RDH10: variants seen among roughly 807,000 people sequenced by gnomAD.
RDH10 encodes retinol dehydrogenase 10.
RDH10 carries 12 observed loss-of-function variants against 30.2 expected under a neutral mutation model. That is an observed-to-expected ratio of 0.40 (90% CI 0.25 to 0.64). RDH10 has a LOEUF of 0.64. Among genes scored for constraint, RDH10 ranks in the 30% least tolerant of loss-of-function variants. The probability of loss-of-function intolerance (pLI) is 0.43; values close to 1 mark genes in which losing one functional copy is unlikely to be tolerated. For missense variants in RDH10, 268 were observed against 445.2 expected (o/e 0.60, Z 3.58); for synonymous variants, 189 against 172.2 (o/e 1.10, Z -0.76).
intron 2 of RDH10, among the ~76,000 whole-genome samples, chr8:73,302,921 C>CA (rs1320892213): frequency 6.6e-6 from 1 of 152,052 alleles, no homozygotes; most frequent in Non-Finnish European, 1.5e-5. Flanking sequence ...CCTGATTAAC[C>CA]AAAAGGGGGA....
At chr8:73,297,141 T>G in intron 1 of RDH10, 53 bp from the exon 2 acceptor site, 1 of 1,041,066 alleles carries the variant, frequency 9.6e-7, no homozygotes, top group Non-Finnish European at 1.5e-6. Context: ...ACTCACTTTC[T>G]GCACTTCCTT....
At chr8:73,322,587 C>G (rs1344279350) in intron 4 of RDH10, 92 bp from the exon 5 acceptor site, 1 of 1,058,500 alleles carries the variant, frequency 9.4e-7, no homozygotes, top group East Asian at 2.5e-5. Context: ...TCCCATCACT[C>G]AGATAACATC....
intron 4 of RDH10, chr8:73,322,365 C>T (rs915789597): frequency 3.5e-6 from 1 of 289,294 alleles, no homozygotes. Flanking sequence ...AACACCTTCT[C>T]CTCTTTCTAT....
chr8:73,313,177 C>A (rs1586192962), intron 2 of RDH10: 1 of 152,228 alleles, frequency 6.6e-6, no homozygotes, highest in Non-Finnish European at 1.5e-5. Context: ...TTGGGCTGCA[C>A]AGTCTGTCAT....
intron 2 of RDH10, among the ~76,000 whole-genome samples, chr8:73,309,865 A>C (rs1365340419): frequency 6.6e-6 from 1 of 152,178 alleles, no homozygotes; most frequent in East Asian, 1.9e-4. Flanking sequence ...GAGAGAGGTC[A>C]GGGATGCTGC....
At chr8:73,305,886 G>A (rs1376332572) in intron 2 of RDH10, among the ~76,000 whole-genome samples, 1 of 152,130 alleles carries the variant, frequency 6.6e-6, no homozygotes, top group Non-Finnish European at 1.5e-5. Context: ...TCAATATTTT[G>A]AGCCTGTAAC....
intron 1 of RDH10, chr8:73,296,005 C>T (rs760200165): frequency 4.2e-5 from 8 of 190,822 alleles, no homozygotes; most frequent in Non-Finnish European, 8.0e-5. Flanking sequence ...GTCTGAACCC[C>T]TTAGACGAGG....
At chr8:73,296,989 A>G (rs1252253716) in intron 1 of RDH10, 10 of 544,162 alleles carry the variant, frequency 1.8e-5, no homozygotes, top group Non-Finnish European at 3.3e-5. Flanking sequence ...GTTATCCAGT[A>G]AATTGCTGTA....
chr8:73,311,134 A>G (rs980629567), intron 2 of RDH10: 34 of 152,196 alleles, frequency 2.2e-4, no homozygotes, highest in African/African-American at 8.2e-4. Context: ...AATTGGAAAA[A>G]TAATTGTTGA....
In RDH10 at chr8:73,323,374, G is replaced by A. The variant is rs960986711; in HGVS notation, c.*338G>A. ...TAACTAGACTGTATGTTTCATGTGT[G>A]TGATTTTTCAGAATTCCCAGAGTTT... is the stretch of plus-strand genomic sequence containing the variant. On this transcript the variant is annotated 3_prime_UTR_variant, in exon 6 of 6. Coordinates refer to ENST00000240285, the MANE Select transcript of RDH10 (RefSeq NM_172037.5). 2.8e-5 allele frequency: 5 copies of A among 180,716 alleles called. No homozygotes were observed. Among genetic ancestry groups the A allele is most frequent in the Non-Finnish European group, 6.0e-5 (5 of 83,320 alleles). The allele number at this position is 180,716 out of a possible 1,614,324, so 11.2% of individuals were successfully genotyped here.
chr8:73,309,437 C>G (rs7840840), intron 2 of RDH10, among the ~76,000 whole-genome samples: 120,344 of 152,128 alleles, frequency 0.79, 47,668 homozygotes, highest in South Asian at 0.91. Context: ...TGATTGGTGT[C>G]ATCTTCTATG....
intron 2 of RDH10, among the ~76,000 whole-genome samples, chr8:73,317,508 G>T (rs1338878918): frequency 6.6e-6 from 1 of 152,156 alleles, no homozygotes; most frequent in African/African-American, 2.4e-5. Context: ...GACTGGGGAA[G>T]ACCTTGGGAT....
chr8:73,295,638 C>A, intron 1 of RDH10, 60 bp downstream of exon 1: 1 of 1,401,668 alleles, frequency 7.1e-7, no homozygotes, highest in Non-Finnish European at 9.4e-7. Context: ...CCGCGCCCTA[C>A]CACGGCAGGC....
rs148266111 is a variant in RDH10 at position 73,303,888 on chromosome 8, C to T, written c.525+6459C>T. 2.8e-3 allele frequency among the ~76,000 whole-genome samples: 420 copies of T among 152,296 alleles called. 2 individuals carry two copies. Among genetic ancestry groups the T allele is most frequent in the African/African-American group, 9.4e-3 (392 of 41,566 alleles). On this transcript the variant is annotated intron_variant, in intron 2 of 5. Transcript: ENST00000240285. Reference sequence around the variant, plus strand: ...TAGCTGGTGTGAATAGGGAACCAGACGCTGCATCAGATAAAAAGTTCTCCA... The same window carrying T: ...TAGCTGGTGTGAATAGGGAACCAGATGCTGCATCAGATAAAAAGTTCTCCA...
At chr8:73,320,567 T>C (rs1814753438) in intron 3 of RDH10, among the ~76,000 whole-genome samples, 1 of 151,288 alleles carries the variant, frequency 6.6e-6, no homozygotes, top group Non-Finnish European at 1.5e-5. Context: ...ACCTCCCAGG[T>C]TCAAGCAATT....
chr8:73,321,942 ATG>A (rs755359354), intron 4 of RDH10: 18 of 455,784 alleles, frequency 3.9e-5, no homozygotes, highest in African/African-American at 2.8e-4. Context: ...TATCCCACAC[ATG>A]TGTGTGTCTG....
chr8:73,316,725 C>T (rs1403076253), intron 2 of RDH10, among the ~76,000 whole-genome samples: 5 of 152,124 alleles, frequency 3.3e-5, no homozygotes, highest in African/African-American at 1.2e-4. Context: ...GAGGCTTCTA[C>T]TCCATTTCTG....
At chr8:73,322,510 G>A in intron 4 of RDH10, 169 bp from the exon 5 acceptor site, 3 of 600,282 alleles carry the variant, frequency 5.0e-6, no homozygotes, top group Non-Finnish European at 8.5e-6. Flanking sequence ...CCAATAAAAT[G>A]TGTTCATAGC....
intron 2 of RDH10, among the ~76,000 whole-genome samples, chr8:73,309,375 A>T (rs1206084859): frequency 6.6e-6 from 1 of 152,168 alleles, no homozygotes; most frequent in East Asian, 1.9e-4. Context: ...TTCAGTTCTC[A>T]TAATTTAGTA....
Sources: gnomAD v4.1 joint callset for allele counts (sites outside exome capture counted in the v4.1 genomes callset) on GRCh38, gnomAD v4.1.1 for gene constraint, MANE v1.5 for transcripts, NCBI Gene and HGNC (gene_info 2026-07-23, HGNC 2026-07-21) for gene names.